MTMR1: variants seen among roughly 807,000 people sequenced by gnomAD.
The protein encoded by MTMR1 is myotubularin related protein 1.
Under a neutral mutation model 51.6 loss-of-function variants are expected in MTMR1, and 17 were observed. The ratio of observed to expected loss-of-function variants is 0.33; its 90% CI spans 0.23 to 0.49. MTMR1 has a LOEUF of 0.49. MTMR1 is among the 20% of genes least tolerant of loss of function. MTMR1 has a pLI of 0.99. For missense variants in MTMR1, 386 were observed against 526.9 expected, an observed-to-expected ratio of 0.73 and a Z score of 2.62; for synonymous variants, 201 against 205.6, an observed-to-expected ratio of 0.98 and a Z score of 0.19.
At position 150,719,621 on chromosome X, in the gene MTMR1, G is replaced by A. The variant is rs782079591; in HGVS notation, c.352+921G>A. Among the ~76,000 whole-genome samples, 8 of 112,056 alleles carry A rather than the reference G, an allele frequency of 7.1e-5. No individual in the cohort carries two copies. In the South Asian group the frequency reaches 2.2e-3, roughly 31 times the overall value. On this transcript the variant is annotated intron_variant, in intron 4 of 15. Coordinates refer to ENST00000445323, the MANE Select transcript of MTMR1 (RefSeq NM_001306144.3). ...CTTAATGATCTGTTTAAAATGCAGAGGTAATTATGTCATGCCCCTGCTTCT... is the reference window on the plus strand; with the variant it reads ...CTTAATGATCTGTTTAAAATGCAGAAGTAATTATGTCATGCCCCTGCTTCT...
chrX:150,748,551 C>T (rs1166503871), intron 13 of MTMR1, among the ~76,000 whole-genome samples: 3 of 110,197 alleles, frequency 2.7e-5, no homozygotes, highest in African/African-American at 9.9e-5. Flanking sequence ...GGCACGGTAG[C>T]TCATGCCTGT....
intron 15 of MTMR1, 41 bp downstream of exon 15, chrX:150,755,906 C>CT: frequency 9.2e-7 from 1 of 1,083,143 alleles, no homozygotes; most frequent in Non-Finnish European, 1.3e-6. Flanking sequence ...GAGAGTTTGC[C>CT]TTTTTTTCCA....
At chrX:150,702,809 G>A (rs1229070095) in intron 2 of MTMR1, among the ~76,000 whole-genome samples, 1 of 111,867 alleles carries the variant, frequency 8.9e-6, no homozygotes, top group Non-Finnish European at 1.9e-5. Context: ...TGTTGAGGTG[G>A]TATGTGAAAT....
Position 150,760,097 on chromosome X carries a change from C to G in MTMR1, c.1858-2468C>G, listed in dbSNP as rs1477208635. 5.5e-5 allele frequency among the ~76,000 whole-genome samples: 6 copies of G among 109,216 alleles called. No individual in the cohort carries two copies. The East Asian group carries it at 1.7e-3, about 31-fold the overall frequency. The allele number at this position is 109,216 out of a possible 115,157, so 94.8% of individuals were successfully genotyped here. ...GGTGTGTGGTCCTGCTTTTTGCATT[C>G]TCCCTCCATTGTGCTACACAGAAGA... On this transcript the variant is annotated intron_variant, in intron 15 of 15. Coordinates refer to ENST00000445323, the MANE Select transcript of MTMR1 (RefSeq NM_001306144.3).
intron 2 of MTMR1, among the ~76,000 whole-genome samples, chrX:150,702,857 G>A (rs2040965882): frequency 8.9e-6 from 1 of 112,184 alleles, no homozygotes; most frequent in Admixed American, 9.4e-5. Flanking sequence ...TGAAAGAGTA[G>A]ATAGCTATTA....
At chrX:150,740,969 C>T (rs868966983) in intron 12 of MTMR1, among the ~76,000 whole-genome samples, 13 of 111,550 alleles carry the variant, frequency 1.2e-4, no homozygotes, top group Non-Finnish European at 1.9e-4. Context: ...GGGATCCACC[C>T]CCATGACCCA....
chrX:150,723,185 TC>T (rs1488790218), intron 4 of MTMR1, among the ~76,000 whole-genome samples: 1 of 111,437 alleles, frequency 9.0e-6, no homozygotes, highest in African/African-American at 3.3e-5. Context: ...CATGAACTCA[TC>T]CTTTTTTTAT....
intron 9 of MTMR1, among the ~76,000 whole-genome samples, chrX:150,732,072 G>A (rs782168033): frequency 4.5e-5 from 5 of 111,881 alleles, no homozygotes; most frequent in Admixed American, 2.8e-4. Context: ...GTTTGCATCT[G>A]TTGTAATCCT....
In MTMR1 at chrX:150,762,624, T is replaced by C; in HGVS notation, c.1917T>C (p.Arg639=). 1 of 1,211,639 alleles carries C rather than the reference T, an allele frequency of 8.3e-7. No homozygotes were observed. Among genetic ancestry groups the C allele is most frequent in the Non-Finnish European group, 1.1e-6 (1 of 895,363 alleles). ...LLAVRAELQK[R]VEGLQREVAT... ...CCGTCAGGGCGGAGCTGCAGAAGCGTGTGGAGGGCCTACAGCGGGAGGTGG... is the reference window on the plus strand; with the variant it reads ...CCGTCAGGGCGGAGCTGCAGAAGCGCGTGGAGGGCCTACAGCGGGAGGTGG... Residue 639 remains arginine, a synonymous_variant, in exon 16 of 16, where the codon CGT becomes CGC. Coordinates refer to ENST00000445323, the MANE Select transcript of MTMR1 (RefSeq NM_001306144.3).
chrX:150,730,481 A>T (rs2042083746), intron 7 of MTMR1, 44 bp from the exon 8 acceptor site: 3 of 911,105 alleles, frequency 3.3e-6, no homozygotes, highest in Non-Finnish European at 4.6e-6. Context: ...TATATGATAT[A>T]AAAAGAAATA....
chrX:150,752,718 A>G (rs138116108), intron 14 of MTMR1, among the ~76,000 whole-genome samples: 126 of 106,882 alleles, frequency 1.2e-3, no homozygotes, highest in African/African-American at 4.0e-3. Flanking sequence ...ATACCATAAA[A>G]TTCACCCATC....
rs2043228309 is a variant in MTMR1 at position 150,764,275 on chromosome X, A to ATTCT, written c.*1548_*1551dup. On this transcript the variant is annotated 3_prime_UTR_variant, in exon 16 of 16. Transcript: ENST00000445323. ...TTTTTTTTTAACTGGGAACCTCCTG[A>ATTCT]TTCTTACGGAAAATTATCCTTCTAT... 1 of 112,433 alleles carries ATTCT rather than the reference A, an allele frequency of 8.9e-6. No homozygotes were observed. Among genetic ancestry groups the ATTCT allele is most frequent in the Non-Finnish European group, 1.9e-5 (1 of 53,302 alleles). 9.3% of individuals were successfully genotyped at this position (112,433 alleles called of 1,213,427 possible). A position where few individuals can be genotyped will look rare whatever the true frequency, so the allele number is the denominator to read the frequency against.
At chrX:150,714,599 C>T in intron 3 of MTMR1, 1 of 808,191 alleles carries the variant, frequency 1.2e-6, no homozygotes, top group South Asian at 2.3e-5. Flanking sequence ...TCATTCTAGA[C>T]TTCTAGATAA....
chrX:150,761,082 G>C (rs1557418012), intron 15 of MTMR1, among the ~76,000 whole-genome samples: 5 of 111,666 alleles, frequency 4.5e-5, no homozygotes, highest in Admixed American at 1.9e-4. Flanking sequence ...GCTTCTTGCT[G>C]AGGTCACATG....
chrX:150,699,614 A>C (rs1470771575), intron 2 of MTMR1, among the ~76,000 whole-genome samples: 2 of 112,476 alleles, frequency 1.8e-5, no homozygotes, highest in Admixed American at 1.9e-4. Flanking sequence ...GTTTCAGGAA[A>C]TATCTTGATG....
intron 13 of MTMR1, among the ~76,000 whole-genome samples, chrX:150,749,028 C>G (rs899685502): frequency 2.7e-5 from 3 of 112,260 alleles, no homozygotes; most frequent in African/African-American, 9.7e-5. Context: ...GTAAGAACCA[C>G]CAGAATTAGT....
intron 7 of MTMR1, 56 bp from the exon 8 acceptor site, chrX:150,730,469 G>T: frequency 1.3e-6 from 1 of 787,187 alleles, no homozygotes; most frequent in Non-Finnish European, 1.8e-6. Context: ...TTTAATATTG[G>T]GTATATGATA....
intron 4 of MTMR1, among the ~76,000 whole-genome samples, chrX:150,724,166 C>T (rs1423683302): frequency 2.7e-5 from 3 of 111,589 alleles, no homozygotes; most frequent in Non-Finnish European, 5.7e-5. Flanking sequence ...CACTGCTTTC[C>T]ACAACGGTTG....
intron 6 of MTMR1, 54 bp from the exon 7 acceptor site, chrX:150,730,055 C>A: frequency 1.3e-6 from 1 of 796,648 alleles, no homozygotes; most frequent in Non-Finnish European, 1.8e-6. Context: ...CGGTATCTGG[C>A]TTATAGGTGC....
Sources: allele counts gnomAD v4.1 joint callset (sites outside exome capture counted in the v4.1 genomes callset), GRCh38; gene constraint gnomAD v4.1.1; transcripts MANE v1.5; gene names NCBI Gene and HGNC (gene_info 2026-07-23, HGNC 2026-07-21).